YAF2: variants seen among roughly 807,000 people sequenced by gnomAD.
YAF2 encodes the protein YY1 associated factor 2.
In YAF2, 7 loss-of-function variants were observed where a neutral mutation model predicts 20.1. The ratio of observed to expected loss-of-function variants is 0.35; its 90% CI spans 0.20 to 0.65. The LOEUF is 0.65. YAF2 is among the 30% of genes least tolerant of loss of function. The pLI is 0.69. For synonymous variants in YAF2, 74 were observed against 76.0 expected (o/e 0.97, Z 0.14); for missense variants, 151 against 219.2 (o/e 0.69, Z 1.96).
intron 2 of YAF2, among the ~76,000 whole-genome samples, chr12:42,197,480 C>T (rs1278785195): frequency 2.0e-5 from 3 of 152,230 alleles, no homozygotes; most frequent in African/African-American, 7.2e-5. Flanking sequence ...TAATTCCACA[C>T]TATATTCTCA....
intron 2 of YAF2, 111 bp downstream of exon 2, chr12:42,237,488 G>C: frequency 7.4e-7 from 1 of 1,359,390 alleles, no homozygotes; most frequent in Non-Finnish European, 9.5e-7. Context: ...ACCTCCGTCT[G>C]CCTCCTCCCG....
intron 2 of YAF2, among the ~76,000 whole-genome samples, chr12:42,164,411 A>G (rs2065865612): frequency 6.6e-6 from 1 of 152,176 alleles, no homozygotes; most frequent in Non-Finnish European, 1.5e-5. Flanking sequence ...ATTTTCAACT[A>G]CGGTCTGCCT....
intron 2 of YAF2, among the ~76,000 whole-genome samples, chr12:42,201,300 C>T (rs1010694721): frequency 6.6e-6 from 1 of 152,182 alleles, no homozygotes; most frequent in Non-Finnish European, 1.5e-5. Flanking sequence ...AGTAACATCC[C>T]ATCCTAAGCT....
At chr12:42,234,362 T>C in intron 2 of YAF2, 2 of 985,386 alleles carry the variant, frequency 2.0e-6, no homozygotes, top group South Asian at 4.7e-5. Context: ...AAAAGCACAA[T>C]GTAAAAAATT....
rs188236491 is a variant in YAF2, at chr12:42,173,058, G to T, written c.153-11293C>A. Among the ~76,000 whole-genome samples, 18 of 152,264 alleles carry T rather than the reference G, an allele frequency of 1.2e-4. No individual in the cohort carries two copies. The East Asian group carries it at 3.5e-3, about 29-fold the overall frequency. ...AGAGGGAGAGAGAGACAGAGAGAGAGAGAGGGAGAGAGAGAAAGAGAGAGT... is the reference window on the plus strand; with the variant it reads ...AGAGGGAGAGAGAGACAGAGAGAGATAGAGGGAGAGAGAGAAAGAGAGAGT... On this transcript the variant is annotated intron_variant, in intron 2 of 3. Coordinates refer to ENST00000534854, the MANE Select transcript of YAF2 (RefSeq NM_005748.6).
chr12:42,199,322 T>C, intron 2 of YAF2: 1 of 658,688 alleles, frequency 1.5e-6, no homozygotes, highest in East Asian at 8.1e-5. Flanking sequence ...TCAAACATAA[T>C]AATATACTTT....
At chr12:42,205,627 C>T (rs1418728878) in intron 2 of YAF2, among the ~76,000 whole-genome samples, 1 of 152,208 alleles carries the variant, frequency 6.6e-6, no homozygotes, top group Non-Finnish European at 1.5e-5. Context: ...CCCGCCTCGG[C>T]CTCCCAAAGT....
rs531686579 is a variant in YAF2, at chr12:42,206,557, C to T, written c.152+31042G>A. Reference sequence around the variant, plus strand: ...CCAGGGGGTGGAGGTTGAAGTGAGCCGAGATAGCGCCACTGCACTCCAGCC... The same window carrying T: ...CCAGGGGGTGGAGGTTGAAGTGAGCTGAGATAGCGCCACTGCACTCCAGCC... On this transcript the variant is annotated intron_variant, in intron 2 of 3. Transcript: ENST00000534854. Among the ~76,000 whole-genome samples the T allele has an allele frequency of 4.0e-5, 6 of 151,012 alleles. No homozygotes were observed. In the East Asian group the frequency reaches 9.8e-4, roughly 25 times the overall value.
chr12:42,238,191 T>C lies in YAF2; in HGVS notation c.-11A>G. ...CTTCTTGTCTCCCATGGCTTGGCTATCACCGCACGCCGAGAGTCGCCGCCG... is the reference window on the plus strand; with the variant it reads ...CTTCTTGTCTCCCATGGCTTGGCTACCACCGCACGCCGAGAGTCGCCGCCG... On this transcript the variant is annotated 5_prime_UTR_variant, in exon 1 of 4. Coordinates refer to ENST00000534854, the MANE Select transcript of YAF2 (RefSeq NM_005748.6). 7.0e-7 allele frequency: 1 copy of C among 1,433,678 alleles called. No homozygotes were observed. Among genetic ancestry groups the C allele is most frequent in the South Asian group, 1.2e-5 (1 of 82,390 alleles). The allele number at this position is 1,433,678 out of a possible 1,614,324, so 88.8% of individuals were successfully genotyped here.
At chr12:42,212,320 T>C in intron 2 of YAF2, 1 of 220,818 alleles carries the variant, frequency 4.5e-6, no homozygotes, top group Non-Finnish European at 9.3e-6. Context: ...AATCAATATA[T>C]ATTCATCATA....
chr12:42,233,352 A>G, intron 2 of YAF2: 8 of 985,264 alleles, frequency 8.1e-6, no homozygotes, highest in Non-Finnish European at 9.6e-6. Flanking sequence ...TATCATTTTC[A>G]TTTCTAAATA....
Position 42,160,812 on chromosome 12 carries a change from T to C in YAF2, c.320A>G (p.Asn107Ser). 1 of 1,609,884 alleles carries C rather than the reference T, an allele frequency of 6.2e-7. No individual in the cohort carries two copies. The highest frequency in any genetic ancestry group is 1.1e-5 in the South Asian group (1 of 90,208). ...SHKKTRPRLK[N>S]VDRSSAQHLE... ...ATGCTGAGCACTACTCCGATCCACA[T>C]TTTTCAATCTTGGCCTAAACATAAA... The change falls in exon 4 of 4, where the codon AAT (asparagine) becomes AGT (serine). Residue 107 changes from asparagine (N) to serine (S), a missense_variant. By Grantham distance (46) the Asn-to-Ser change is conservative. Coordinates refer to ENST00000534854, the MANE Select transcript of YAF2 (RefSeq NM_005748.6).
chr12:42,183,777 T>G (rs1421979617), intron 2 of YAF2, among the ~76,000 whole-genome samples: 1 of 152,210 alleles, frequency 6.6e-6, no homozygotes, highest in Non-Finnish European at 1.5e-5. Context: ...ACAACAGATT[T>G]TCAATGTAGA....
At chr12:42,236,526 C>G (rs2068161470) in intron 2 of YAF2, among the ~76,000 whole-genome samples, 2 of 151,840 alleles carry the variant, frequency 1.3e-5, no homozygotes, top group Admixed American at 1.3e-4. Context: ...TTACTGTCAA[C>G]CATTCCTGTC....
chr12:42,166,476 C>T (rs1320147958), intron 2 of YAF2, among the ~76,000 whole-genome samples: 4 of 152,140 alleles, frequency 2.6e-5, no homozygotes, highest in Non-Finnish European at 4.4e-5. Flanking sequence ...GTCTTTAAAG[C>T]AAAACAAGAT....
At chr12:42,202,106 C>T (rs1256178778) in intron 2 of YAF2, among the ~76,000 whole-genome samples, 3 of 151,512 alleles carry the variant, frequency 2.0e-5, no homozygotes, top group African/African-American at 4.9e-5. Context: ...ATCTAGTTTC[C>T]CCCCCCATCT....
At chr12:42,232,554 AT>A in intron 2 of YAF2, 2 of 985,430 alleles carry the variant, frequency 2.0e-6, no homozygotes, top group Non-Finnish European at 2.4e-6. Flanking sequence ...GAACAACTAA[AT>A]GGTTGCTAGA....
intron 2 of YAF2, among the ~76,000 whole-genome samples, chr12:42,162,013 T>C (rs187116058): frequency 2.6e-5 from 4 of 152,286 alleles, no homozygotes; most frequent in Admixed American, 2.0e-4. Flanking sequence ...AACATTAGAA[T>C]ACTGTTACGT....
chr12:42,204,972 T>C (rs1294833502), intron 2 of YAF2, among the ~76,000 whole-genome samples: 3 of 152,032 alleles, frequency 2.0e-5, no homozygotes, highest in Admixed American at 6.6e-5. Flanking sequence ...GGCAAAACTC[T>C]GTAAAAATAC....
Sources: allele counts gnomAD v4.1 joint callset (sites outside exome capture counted in the v4.1 genomes callset), GRCh38; gene constraint gnomAD v4.1.1; transcripts MANE v1.5; gene names NCBI Gene and HGNC (gene_info 2026-07-23, HGNC 2026-07-21).